AK3: variants seen among roughly 807,000 people sequenced by gnomAD.
The protein encoded by AK3 is GTP:AMP phosphotransferase AK3, mitochondrial.
AK3 carries 27 observed loss-of-function variants against 23.7 expected under a neutral mutation model. The ratio of observed to expected loss-of-function variants is 1.14; its 90% CI spans 0.84 to 1.57. The LOEUF is 1.57. Among genes scored for constraint, AK3 ranks in the 40% most tolerant of loss-of-function variants. The probability of loss-of-function intolerance (pLI) is 0.00; values close to 1 mark genes in which losing one functional copy is unlikely to be tolerated. For synonymous variants in AK3, 159 were observed against 116.0 expected (o/e 1.37, Z -2.38); for missense variants, 406 against 285.6 (o/e 1.42, Z -3.04).
At chr9:4,730,018 A>G (rs930665358) in intron 1 of AK3, among the ~76,000 whole-genome samples, 9 of 152,122 alleles carry the variant, frequency 5.9e-5, no homozygotes, top group African/African-American at 2.2e-4. Flanking sequence ...TGAAGTACTG[A>G]TACATGTTAC....
At chr9:4,722,681 G>A in intron 1 of AK3, 56 bp from the exon 2 acceptor site, 1 of 1,610,166 alleles carries the variant, frequency 6.2e-7, no homozygotes, top group Non-Finnish European at 8.5e-7. Context: ...CCCATTCCAG[G>A]CACCTCGGAA....
At chr9:4,733,706 T>C (rs1426391225) in intron 1 of AK3, among the ~76,000 whole-genome samples, 1 of 152,142 alleles carries the variant, frequency 6.6e-6, no homozygotes, top group Non-Finnish European at 1.5e-5. Context: ...GACAATTACA[T>C]AAATGCCCAC....
chr9:4,716,690 G>A (rs531426623), intron 4 of AK3, among the ~76,000 whole-genome samples: 1 of 152,262 alleles, frequency 6.6e-6, no homozygotes, highest in South Asian at 2.1e-4. Flanking sequence ...CAATGTTTTG[G>A]GAGGCCGAGG....
intron 4 of AK3, among the ~76,000 whole-genome samples, chr9:4,713,987 CACATATACGCCTA>C (rs1379572731): frequency 4.6e-5 from 7 of 151,640 alleles, no homozygotes; most frequent in Admixed American, 6.6e-5. Context: ...TACACACCTA[CACATATACGCCTA>C]CACATATACA....
At chr9:4,713,933 C>T in intron 4 of AK3, among the ~76,000 whole-genome samples, 1 of 152,194 alleles carries the variant, frequency 6.6e-6, no homozygotes, top group African/African-American at 2.4e-5. Context: ...CACATATACA[C>T]ACCTCCACAT....
chr9:4,737,657 C>G (rs1428003169), intron 1 of AK3, among the ~76,000 whole-genome samples: 1 of 152,040 alleles, frequency 6.6e-6, no homozygotes, highest in Non-Finnish European at 1.5e-5. Flanking sequence ...AGTCGGAGGT[C>G]GCAGTAAGCC....
At chr9:4,715,983 G>T (rs1268030088) in intron 4 of AK3, among the ~76,000 whole-genome samples, 1 of 152,104 alleles carries the variant, frequency 6.6e-6, no homozygotes, top group African/African-American at 2.4e-5. Flanking sequence ...TTTGCTGCTG[G>T]GGTTTCTGGC....
chr9:4,737,666 C>G (rs757288192), intron 1 of AK3, among the ~76,000 whole-genome samples: 9 of 152,060 alleles, frequency 5.9e-5, no homozygotes, highest in Non-Finnish European at 1.3e-4. Flanking sequence ...TCGCAGTAAG[C>G]CGAGATCGTG....
intron 2 of AK3, 122 bp downstream of exon 2, chr9:4,722,384 T>C: frequency 1.4e-6 from 2 of 1,397,004 alleles, no homozygotes; most frequent in South Asian, 2.8e-5. Flanking sequence ...TTCAGGATAG[T>C]CCCAAGCACC....
intron 1 of AK3, among the ~76,000 whole-genome samples, chr9:4,728,308 T>C (rs1347361004): frequency 6.6e-6 from 1 of 152,196 alleles, no homozygotes; most frequent in African/African-American, 2.4e-5. Flanking sequence ...CAATGGCTCA[T>C]GCCTGTAATC....
chr9:4,734,391 G>A (rs1001473713), intron 1 of AK3, among the ~76,000 whole-genome samples: 1 of 152,168 alleles, frequency 6.6e-6, no homozygotes, highest in Non-Finnish European at 1.5e-5. Flanking sequence ...CTGCCCTCCT[G>A]CTCCCATGCC....
chr9:4,729,360 C>T (rs1269494755), intron 1 of AK3, among the ~76,000 whole-genome samples: 1 of 152,006 alleles, frequency 6.6e-6, no homozygotes, highest in African/African-American at 2.4e-5. Context: ...TTTCTAGTTC[C>T]AGCTATTCAG....
At chr9:4,723,356 T>A (rs1841949051) in intron 1 of AK3, among the ~76,000 whole-genome samples, 1 of 152,226 alleles carries the variant, frequency 6.6e-6, no homozygotes, top group Admixed American at 6.5e-5. Context: ...TTTAAATGCC[T>A]GCTATCATGT....
Position 4,713,007 on chromosome 9 carries a change from T to C in AK3, c.653A>G (p.Gln218Arg). ...AGTAACTGAAGCTTTCTGGCTTCTT[T>C]GTGGAACTTTAGTTTGTAGGAAAGC... ...VYAFLQTKVP[Q>R]RSQKASVTP The change falls in exon 5 of 5, where the codon CAA becomes CGA. Residue 218 changes from glutamine (Q) to arginine (R), a missense_variant. Transcript: ENST00000381809. The C allele has an allele frequency of 2.5e-6, 4 of 1,613,790 alleles. No homozygotes were observed. Among genetic ancestry groups the C allele is most frequent in the Non-Finnish European group, 3.4e-6 (4 of 1,179,776 alleles).
At chr9:4,713,177 A>G in intron 4 of AK3, 81 bp from the exon 5 acceptor site, 6 of 1,540,958 alleles carry the variant, frequency 3.9e-6, no homozygotes, top group African/African-American at 1.4e-5. Context: ...TTCTGTAAAT[A>G]ATGATATTGT....
intron 1 of AK3, among the ~76,000 whole-genome samples, chr9:4,728,122 A>G (rs1842059847): frequency 6.6e-6 from 1 of 152,238 alleles, no homozygotes; most frequent in Admixed American, 6.5e-5. Context: ...AAATATTGCA[A>G]AAGTTACTAA....
chr9:4,713,191 T>TA (rs1436378295), intron 4 of AK3, 95 bp from the exon 5 acceptor site: 1 of 1,469,878 alleles, frequency 6.8e-7, no homozygotes, highest in Non-Finnish European at 9.1e-7. Flanking sequence ...ATATTGTAGA[T>TA]ATAGGAGTCT....
chr9:4,733,882 G>A (rs1028135804), intron 1 of AK3, among the ~76,000 whole-genome samples: 6 of 152,038 alleles, frequency 3.9e-5, no homozygotes, highest in Non-Finnish European at 5.9e-5. Flanking sequence ...ACCCTAAACG[G>A]CCCTTCATGG....
intron 1 of AK3, among the ~76,000 whole-genome samples, chr9:4,728,824 T>C (rs1842076357): frequency 8.4e-6 from 1 of 118,598 alleles, no homozygotes; most frequent in African/African-American, 3.2e-5. Context: ...AGCAAGACCA[T>C]GTCTCTACAT....
Sources: allele counts gnomAD v4.1 joint callset (sites outside exome capture counted in the v4.1 genomes callset), GRCh38; gene constraint gnomAD v4.1.1; transcripts MANE v1.5; gene names NCBI Gene and HGNC (gene_info 2026-07-23, HGNC 2026-07-21).